SCN10A: variants seen among roughly 807,000 people sequenced by gnomAD.
SCN10A encodes the protein sodium voltage-gated channel alpha subunit 10.
SCN10A carries 162 observed loss-of-function variants against 170.7 expected under a neutral mutation model. That is an observed-to-expected ratio of 0.95 (90% CI 0.84 to 1.08). SCN10A has a LOEUF of 1.08. Ranked by LOEUF, SCN10A falls within the 50% of genes least tolerant of loss-of-function variation. The pLI is 0.00. For synonymous variants in SCN10A, 985 were observed against 904.6 expected (o/e 1.09, Z -1.59); for missense variants, 2,527 against 2,436.9 (o/e 1.04, Z -0.78).
At chr3:38,785,746 T>A (rs2064192528) in intron 4 of SCN10A, among the ~76,000 whole-genome samples, 1 of 152,160 alleles carries the variant, frequency 6.6e-6, no homozygotes, top group Non-Finnish European at 1.5e-5. Flanking sequence ...GACAAAGGGC[T>A]AATATCCAGA....
chr3:38,791,143 A>G (rs2064275640), intron 3 of SCN10A, among the ~76,000 whole-genome samples: 1 of 152,098 alleles, frequency 6.6e-6, no homozygotes, highest in South Asian at 2.1e-4. Flanking sequence ...GCTGGTTACC[A>G]TTTGTCAGGC....
intron 26 of SCN10A, among the ~76,000 whole-genome samples, chr3:38,707,017 A>G (rs2063217721): frequency 6.6e-6 from 1 of 152,316 alleles, no homozygotes; most frequent in South Asian, 2.1e-4. Context: ...TGAACTCTAA[A>G]ACTGTTGGAG....
intron 5 of SCN10A, among the ~76,000 whole-genome samples, chr3:38,766,992 TC>T (rs2063939844): frequency 6.6e-6 from 1 of 152,094 alleles, no homozygotes; most frequent in African/African-American, 2.4e-5. Context: ...ATTCATCTCC[TC>T]TAAATTTTCT....
At chr3:38,798,786 C>CTTCT (rs1553626834) in intron 1 of SCN10A, among the ~76,000 whole-genome samples, 17 of 97,732 alleles carry the variant, frequency 1.7e-4, no homozygotes, top group African/African-American at 6.4e-4. Flanking sequence ...CCCTTGCCTC[C>CTTCT]TTTTTTTTTT....
Position 38,698,337 on chromosome 3 carries a change from C to A in SCN10A, c.4883G>T (p.Ser1628Ile), listed in dbSNP as rs1279255819. The change falls in exon 28 of 28, where the codon AGC becomes ATC. Residue 1628 changes from serine to isoleucine, a missense_variant. Physicochemically the swap from Ser to Ile is moderately radical, Grantham distance 142 (BLOSUM62 -2). Coordinates refer to ENST00000449082, the MANE Select transcript of SCN10A (RefSeq NM_006514.4). The stretch of plus-strand genomic sequence containing the variant: ...AGCCTCCCACCTCACATGGGGAAAG[C>A]TGGACATACCGAAGATAGAGTAGAT... ...MFIYSIFGMS[S>I]FPHVRWEAGI... is the part of the protein sequence containing the mutation. 1.3e-5 allele frequency: 21 copies of A among 1,613,986 alleles called. No homozygotes were observed. The highest frequency in any genetic ancestry group is 1.7e-4 in the Middle Eastern group (1 of 6,060).
chr3:38,791,937 C>T lies in SCN10A; in HGVS notation c.389+113G>A, dbSNP rs1013861453. On this transcript the variant is annotated intron_variant, in intron 3 of 27. Transcript: ENST00000449082. ...TTTTCAATCTAATGACCTCATTGTA[C>T]TTTTGGGATTCAATTGGATAAGGGC... The T allele has an allele frequency of 4.3e-6, 6 of 1,386,096 alleles. 1 individual carries two copies. The highest frequency in any genetic ancestry group is 3.8e-4 in the Middle Eastern group (2 of 5,270). 85.9% of individuals were successfully genotyped at this position (1,386,096 alleles called of 1,614,324 possible).
chr3:38,701,948 C>T lies in SCN10A; in HGVS notation c.4548G>A (p.Val1516=). ...KILGKINQFF[V]AVFTGECVMK... Reference sequence around the variant, plus strand: ...TGACACATTCGCCTGTGAAGACGGCCACAAAGAACTGGTTGATTTTGCCCA... The same window carrying T: ...TGACACATTCGCCTGTGAAGACGGCTACAAAGAACTGGTTGATTTTGCCCA... Residue 1516 remains valine (V), a synonymous_variant, in exon 27 of 28, where the codon GTG becomes GTA. Transcript: ENST00000449082. 2 of 1,614,144 alleles carry T rather than the reference C, an allele frequency of 1.2e-6. No individual in the cohort carries two copies. Among genetic ancestry groups the T allele is most frequent in the Non-Finnish European group, 1.7e-6 (2 of 1,180,036 alleles).
At chr3:38,737,034 A>C (rs1263677602) in intron 15 of SCN10A, among the ~76,000 whole-genome samples, 1 of 119,354 alleles carries the variant, frequency 8.4e-6, no homozygotes, top group African/African-American at 3.3e-5. Flanking sequence ...GCAGTGGCGC[A>C]ATCTCGGCTC....
rs76119117 is a variant in SCN10A, at chr3:38,800,080, G to A, written c.-32-6038C>T. On this transcript the variant is annotated intron_variant, in intron 1 of 27. Coordinates refer to ENST00000449082, the MANE Select transcript of SCN10A (RefSeq NM_006514.4). Reference sequence around the variant, plus strand: ...AGCTAGTCTGGAGGTAAACAGGATGGTTTGCCATCACAGATGGGTAAAGCA... The same window carrying A: ...AGCTAGTCTGGAGGTAAACAGGATGATTTGCCATCACAGATGGGTAAAGCA... Among the ~76,000 whole-genome samples, 562 of 152,240 alleles carry A rather than the reference G, an allele frequency of 3.7e-3. 5 individuals are homozygous for A. The highest frequency in any genetic ancestry group is 0.017 in the Middle Eastern group (5 of 294).
At position 38,718,778 on chromosome 3, in the gene SCN10A, G is replaced by C; in HGVS notation, c.3556C>G (p.Leu1186Val). The C allele has an allele frequency of 1.2e-6, 2 of 1,614,214 alleles. No homozygotes were observed. The highest frequency in any genetic ancestry group is 1.1e-5 in the South Asian group (1 of 91,086). ...LDQKPTVKAL[L>V]EYTDRVFTFI... is the part of the protein sequence containing the mutation. ...GTGAAGACCCTGTCAGTGTACTCCA[G>C]CAAAGCTTTCACCGTGGGCTTCTGG... The change falls in exon 21 of 28, where the codon CTG (leucine) becomes GTG (valine). Residue 1186 changes from leucine (L) to valine (V), a missense_variant. Leu to Val is a conservative substitution (Grantham distance 32). Transcript: ENST00000449082.
chr3:38,709,163 T>TAA (rs1395240137), intron 25 of SCN10A, among the ~76,000 whole-genome samples: 2 of 152,170 alleles, frequency 1.3e-5, no homozygotes, highest in Non-Finnish European at 2.9e-5. Flanking sequence ...CAGCAAGTTC[T>TAA]AGATCCCTTT....
intron 1 of SCN10A, among the ~76,000 whole-genome samples, chr3:38,814,470 A>C (rs1037283442): frequency 6.6e-6 from 1 of 152,190 alleles, no homozygotes; most frequent in East Asian, 1.9e-4. Context: ...AAGGGAATAC[A>C]TGACTGCACA....
chr3:38,761,043 T>G, intron 7 of SCN10A, 149 bp downstream of exon 7: 1 of 675,510 alleles, frequency 1.5e-6, no homozygotes. Context: ...TACCCAAAAG[T>G]AAAACACAAC....
intron 1 of SCN10A, among the ~76,000 whole-genome samples, chr3:38,812,007 T>C (rs2064444363): frequency 6.6e-6 from 1 of 152,184 alleles, no homozygotes; most frequent in South Asian, 2.1e-4. Flanking sequence ...CAATACTTCC[T>C]GAGCACCTTG....
intron 13 of SCN10A, among the ~76,000 whole-genome samples, chr3:38,745,019 G>C (rs774820137): frequency 6.6e-6 from 1 of 152,056 alleles, no homozygotes; most frequent in African/African-American, 2.4e-5. Context: ...ACAAAAGCAA[G>C]AACTTCCCTG....
In SCN10A at chr3:38,723,483, T is replaced by C. The variant is rs928529158; in HGVS notation, c.3299A>G (p.Lys1100Arg). The C allele has an allele frequency of 7.4e-6, 12 of 1,614,016 alleles. No individual in the cohort carries two copies. Among genetic ancestry groups the C allele is most frequent in the Non-Finnish European group, 1.0e-5 (12 of 1,179,880 alleles). Residue 1100 changes from lysine (K) to arginine (R), a missense_variant, in exon 19 of 28, where the codon AAG becomes AGG. By Grantham distance (26) the Lys-to-Arg change is conservative. Transcript: ENST00000449082. ...CAGGTCATCTGCCAGCTCAGGGATCTTCCTCAGGATTTCCTCAGGATCTAG... is the reference window on the plus strand; with the variant it reads ...CAGGTCATCTGCCAGCTCAGGGATCCTCCTCAGGATTTCCTCAGGATCTAG... ...DCLDPEEILR[K>R]IPELADDLEE...
intron 1 of SCN10A, among the ~76,000 whole-genome samples, chr3:38,803,898 C>T (rs781622463): frequency 1.6e-4 from 25 of 152,136 alleles, no homozygotes; most frequent in Non-Finnish European, 2.5e-4. Flanking sequence ...CTGTCTAATT[C>T]TCATCACAGC....
intron 1 of SCN10A, among the ~76,000 whole-genome samples, chr3:38,797,405 G>A (rs1482374517): frequency 2.0e-5 from 3 of 152,104 alleles, no homozygotes; most frequent in South Asian, 2.1e-4. Context: ...TCTTCTGAGA[G>A]CTTTCCCTCA....
In SCN10A at chr3:38,722,358, TC is replaced by T. The variant is rs1368920497; in HGVS notation, c.3406del (p.Asp1136MetfsTer26). 1 of 1,613,928 alleles carries T rather than the reference TC, an allele frequency of 6.2e-7. No individual in the cohort carries two copies. The highest frequency in any genetic ancestry group is 8.5e-7 in the Non-Finnish European group (1 of 1,179,960). Reference protein sequence around the residue: ...CKLDTTKSPWDVGWQVRKTCY... With the variant: ...CKLDTTKSPWXVGWQVRKTCY... The stretch of plus-strand genomic sequence containing the variant: ...AGTCTTGCGCACCTGCCAGCCCACA[TC>T]CCATGGACTCTTGGTGGTATCCAGT... On this transcript the variant is annotated frameshift_variant, in exon 20 of 28. Coordinates refer to ENST00000449082, the MANE Select transcript of SCN10A (RefSeq NM_006514.4). LOFTEE classifies it high-confidence loss of function.
Sources: allele counts gnomAD v4.1 joint callset (sites outside exome capture counted in the v4.1 genomes callset), GRCh38; gene constraint gnomAD v4.1.1; transcripts MANE v1.5; gene names NCBI Gene and HGNC (gene_info 2026-07-23, HGNC 2026-07-21).